Variants in EBF1 observed in about 807,000 individuals in gnomAD.
EBF1 encodes the protein transcription factor COE1.
EBF1 carries 10 observed loss-of-function variants against 68.4 expected under a neutral mutation model. The observed-to-expected ratio is 0.15, with a 90% confidence interval of 0.09 to 0.25. The LOEUF (loss-of-function observed/expected upper bound fraction) is 0.25, where lower values mean the gene tolerates loss of function less well. Ranked by LOEUF, EBF1 falls within the 10% of genes least tolerant of loss-of-function variation. The pLI is 1.00. For synonymous variants in EBF1, 298 were observed against 299.8 expected, an observed-to-expected ratio of 0.99 and a Z score of 0.06; for missense variants, 509 against 794.4, an observed-to-expected ratio of 0.64 and a Z score of 4.32.
At chr5:158,904,312 A>G (rs1257476050) in intron 6 of EBF1, among the ~76,000 whole-genome samples, 1 of 152,234 alleles carries the variant, frequency 6.6e-6, no homozygotes, top group East Asian at 1.9e-4. Context: ...AGATCCCAGC[A>G]GACAGCAAGT....
intron 10 of EBF1, among the ~76,000 whole-genome samples, chr5:158,737,085 G>A (rs1765334952): frequency 6.6e-6 from 1 of 152,040 alleles, no homozygotes; most frequent in African/African-American, 2.4e-5. Context: ...TGCTTTTACA[G>A]CCTGGTGCCC....
chr5:158,935,811 G>A (rs912102529), intron 6 of EBF1, among the ~76,000 whole-genome samples: 1 of 152,192 alleles, frequency 6.6e-6, no homozygotes, highest in Non-Finnish European at 1.5e-5. Context: ...CCCACTCTGT[G>A]CTGGGTATAT....
chr5:158,840,764 C>T (rs1340960721), intron 6 of EBF1, among the ~76,000 whole-genome samples: 1 of 141,326 alleles, frequency 7.1e-6, no homozygotes, highest in African/African-American at 2.6e-5. Context: ...CTCCGCCTCC[C>T]GGGTTCACGC....
At position 158,791,318 on chromosome 5, in the gene EBF1, CAAAAAAAAAAA is replaced by C. The variant is rs70987931; in HGVS notation, c.909+5016_909+5026del. Among the ~76,000 whole-genome samples, 4 of 69,096 alleles carry C rather than the reference CAAAAAAAAAAA, an allele frequency of 5.8e-5. No individual in the cohort carries two copies. In the Admixed American group the frequency reaches 6.7e-4, roughly 12 times the overall value. 45.3% of individuals were successfully genotyped at this position (69,096 alleles called of 152,430 possible). On this transcript the variant is annotated intron_variant, in intron 9 of 15. Transcript: ENST00000313708. ...TGAGCAACAGAGCAAGATTCCATCT[CAAAAAAAAAAA>C]AAAAAAAAGGAATTGCTAGAATTGT... is the stretch of plus-strand genomic sequence containing the variant.
intron 6 of EBF1, among the ~76,000 whole-genome samples, chr5:158,875,527 A>G (rs925604973): frequency 6.6e-6 from 1 of 152,234 alleles, no homozygotes; most frequent in African/African-American, 2.4e-5. Context: ...ATAAGACAAA[A>G]CAAATATTAC....
intron 5 of EBF1, among the ~76,000 whole-genome samples, chr5:159,075,720 T>C (rs6865969): frequency 0.51 from 77,705 of 152,064 alleles, 21,220 homozygotes; most frequent in African/African-American, 0.72. Flanking sequence ...TGCCCAAGAC[T>C]TTTTAATGGC....
intron 4 of EBF1, among the ~76,000 whole-genome samples, chr5:159,088,437 C>T (rs1204629233): frequency 6.6e-6 from 1 of 152,090 alleles, no homozygotes; most frequent in Non-Finnish European, 1.5e-5. Context: ...CTTTAAGCCC[C>T]AAAGGACAGG....
intron 6 of EBF1, among the ~76,000 whole-genome samples, chr5:159,007,748 C>T (rs1763843940): frequency 6.6e-6 from 1 of 152,144 alleles, no homozygotes; most frequent in Non-Finnish European, 1.5e-5. Context: ...TTTATTCTCT[C>T]CCCCTCCACC....
intron 6 of EBF1, among the ~76,000 whole-genome samples, chr5:159,065,719 T>C (rs1776675826): frequency 1.3e-5 from 2 of 151,916 alleles, no homozygotes; most frequent in Non-Finnish European, 1.5e-5. Flanking sequence ...CCATAAAATA[T>C]GTATAATAGT....
intron 6 of EBF1, among the ~76,000 whole-genome samples, chr5:158,972,520 AG>A (rs1263640812): frequency 6.6e-6 from 1 of 152,226 alleles, no homozygotes; most frequent in Non-Finnish European, 1.5e-5. Flanking sequence ...CACTAGTTGT[AG>A]TGGTCTTAAG....
chr5:158,980,065 G>C (rs1188326996), intron 6 of EBF1, among the ~76,000 whole-genome samples: 1 of 152,172 alleles, frequency 6.6e-6, no homozygotes, highest in East Asian at 1.9e-4. Flanking sequence ...ATTGAGTAGA[G>C]ATGTTCAGCC....
intron 6 of EBF1, among the ~76,000 whole-genome samples, chr5:158,883,211 C>A (rs1188494645): frequency 6.6e-6 from 1 of 151,744 alleles, no homozygotes; most frequent in Admixed American, 6.6e-5. Context: ...TGCATAGATA[C>A]AAATGTTTGT....
At chr5:158,901,755 C>A (rs1440286976) in intron 6 of EBF1, among the ~76,000 whole-genome samples, 2 of 152,034 alleles carry the variant, frequency 1.3e-5, no homozygotes. Flanking sequence ...CAGTAACTTC[C>A]CCCGGTTTAC....
chr5:158,950,913 C>A (rs996296368), intron 6 of EBF1, among the ~76,000 whole-genome samples: 15 of 152,180 alleles, frequency 9.9e-5, no homozygotes, highest in Admixed American at 1.3e-4. Flanking sequence ...CCAATTGTTG[C>A]CATGTGGGAT....
chr5:158,731,200 A>G, intron 10 of EBF1, 43 bp from the exon 11 acceptor site: 1 of 1,577,772 alleles, frequency 6.3e-7, no homozygotes, highest in Non-Finnish European at 8.7e-7. Context: ...TTCAAGAAAT[A>G]AAGCTGAACA....
intron 10 of EBF1, among the ~76,000 whole-genome samples, chr5:158,766,040 C>T (rs544718611): frequency 5.3e-5 from 8 of 152,138 alleles, no homozygotes; most frequent in Admixed American, 3.3e-4. Context: ...TACTTTAAAT[C>T]GGTAGGGGCA....
chr5:159,053,021 C>T (rs1174176489), intron 6 of EBF1, among the ~76,000 whole-genome samples: 4 of 152,108 alleles, frequency 2.6e-5, no homozygotes, highest in Non-Finnish European at 4.4e-5. Context: ...AAAGGAATAG[C>T]GATTACGCCA....
At chr5:158,969,844 G>GAAAC (rs1353417815) in intron 6 of EBF1, among the ~76,000 whole-genome samples, 1 of 26,132 alleles carries the variant, frequency 3.8e-5, no homozygotes, top group East Asian at 1.0e-3. Context: ...GAAAGAAAGA[G>GAAAC]AAAGAAAGAA....
intron 6 of EBF1, among the ~76,000 whole-genome samples, chr5:159,039,836 G>A (rs1770818554): frequency 6.6e-6 from 1 of 152,160 alleles, no homozygotes; most frequent in Non-Finnish European, 1.5e-5. Flanking sequence ...AATGAGTACA[G>A]ACCACCATTT....
Sources: allele counts gnomAD v4.1 joint callset (sites outside exome capture counted in the v4.1 genomes callset), GRCh38; gene constraint gnomAD v4.1.1; transcripts MANE v1.5; gene names NCBI Gene and HGNC (gene_info 2026-07-23, HGNC 2026-07-21).